Variants in KLHL20 observed in about 807,000 individuals in gnomAD.
The protein encoded by KLHL20 is kelch-like protein 20.
Under a neutral mutation model 69.5 loss-of-function variants are expected in KLHL20, and 29 were observed. The observed-to-expected ratio is 0.42, with a 90% CI of 0.31 to 0.57. The LOEUF (loss-of-function observed/expected upper bound fraction) is 0.57. Among genes scored for constraint, KLHL20 ranks in the 20% least tolerant of loss-of-function variants. The pLI is 0.18. For synonymous variants in KLHL20, 253 were observed against 265.2 expected, an observed-to-expected ratio of 0.95 and a Z score of 0.45; for missense variants, 419 against 776.0, an observed-to-expected ratio of 0.54 and a Z score of 5.47.
At chr1:173,737,804 T>A (rs1672603695) in intron 3 of KLHL20, among the ~76,000 whole-genome samples, 1 of 152,252 alleles carries the variant, frequency 6.6e-6, no homozygotes, top group Non-Finnish European at 1.5e-5. Flanking sequence ...CTCTTGGCTG[T>A]ATAGACATTT....
intron 7 of KLHL20, among the ~76,000 whole-genome samples, chr1:173,758,528 G>A (rs1159521861): frequency 6.6e-6 from 1 of 152,176 alleles, no homozygotes; most frequent in Admixed American, 6.5e-5. Flanking sequence ...CAGCACCCGG[G>A]AGAAACCCCA....
At chr1:173,728,122 A>C (rs185048068) in intron 2 of KLHL20, among the ~76,000 whole-genome samples, 1 of 152,322 alleles carries the variant, frequency 6.6e-6, no homozygotes, top group East Asian at 1.9e-4. Flanking sequence ...ACAGACTTTA[A>C]ACCAACAAAG....
In KLHL20 at chr1:173,763,866, TA is replaced by T. The variant is rs60028962; in HGVS notation, c.1152-2264del. The stretch of plus-strand genomic sequence containing the variant: ...ACCAAGAACCCAAAAGCAAATGCAA[TA>T]AAAAAAAAAAAAAAACAGCTGGGAC... On this transcript the variant is annotated intron_variant, in intron 7 of 11. Transcript: ENST00000209884. Among the ~76,000 whole-genome samples, 702 of 119,508 alleles carry T rather than the reference TA, an allele frequency of 5.9e-3. 1 individual carries two copies. The highest frequency in any genetic ancestry group is 0.017 in the East Asian group (68 of 4,092). The allele number at this position is 119,508 out of a possible 152,430, so 78.4% of individuals were successfully genotyped here.
chr1:173,781,158 T>A (rs373899944), intron 10 of KLHL20, among the ~76,000 whole-genome samples: 1 of 152,194 alleles, frequency 6.6e-6, no homozygotes, highest in African/African-American at 2.4e-5. Context: ...TAATCCAGTT[T>A]TACTGCAGCA....
At chr1:173,773,404 A>G (rs1558220848) in intron 8 of KLHL20, among the ~76,000 whole-genome samples, 1 of 151,068 alleles carries the variant, frequency 6.6e-6, no homozygotes, top group Admixed American at 6.6e-5. Flanking sequence ...TAACACAGCA[A>G]GACCCCTATT....
intron 8 of KLHL20, among the ~76,000 whole-genome samples, chr1:173,767,129 C>T (rs112620174): frequency 8.6e-4 from 131 of 152,266 alleles, no homozygotes; most frequent in African/African-American, 3.0e-3. Flanking sequence ...TTAGATTCCT[C>T]ATATAAGTGA....
At chr1:173,750,549 A>T (rs1024447291) in intron 3 of KLHL20, among the ~76,000 whole-genome samples, 1 of 149,724 alleles carries the variant, frequency 6.7e-6, no homozygotes, top group Non-Finnish European at 1.5e-5. Context: ...GAAATGGCGC[A>T]ATCTTGGCTT....
intron 5 of KLHL20, among the ~76,000 whole-genome samples, chr1:173,755,513 G>GTTTTTTATT (rs1179041224): frequency 6.6e-6 from 1 of 152,124 alleles, no homozygotes; most frequent in Non-Finnish European, 1.5e-5. Flanking sequence ...TTTTGACCCA[G>GTTTTTTATT]TTTTATTACT....
chr1:173,734,149 C>A lies in KLHL20; in HGVS notation c.460C>A (p.Gln154Lys). ...AACLLQLAEI[Q>K]EACCEFLKRQ... ...TTGCCTCCTCCAGCTGGCAGAAATA[C>A]AGGAAGCCTGCTGTGAATTCTTAAA... Residue 154 changes from glutamine (Q) to lysine (K), a missense_variant, in exon 3 of 12, where the codon CAG (glutamine) becomes AAG (lysine). This residue lies in a region of KLHL20 where 99 missense variants were observed against 240.7 expected (regional missense o/e 0.41). Coordinates refer to ENST00000209884, the MANE Select transcript of KLHL20 (RefSeq NM_014458.4). 7 of 1,614,220 alleles carry A rather than the reference C, an allele frequency of 4.3e-6. No individual in the cohort carries two copies. The highest frequency in any genetic ancestry group is 5.9e-6 in the Non-Finnish European group (7 of 1,180,034).
chr1:173,766,378 C>A, intron 8 of KLHL20, 89 bp downstream of exon 8: 1 of 1,227,676 alleles, frequency 8.1e-7, no homozygotes, highest in Non-Finnish European at 1.1e-6. Flanking sequence ...GGCGTGGTGG[C>A]TCACACCTGT....
Position 173,782,244 on chromosome 1 carries a change from T to C in KLHL20, c.1745+14T>C, listed in dbSNP as rs768667846. The C allele has an allele frequency of 1.3e-6, 2 of 1,585,444 alleles. No homozygotes were observed. The highest frequency in any genetic ancestry group is 2.2e-5 in the South Asian group (2 of 90,432). ...CAATACATGGAGGTAACTTTTAAGC[T>C]GTGTAGCAAATCACCTCACTACTGA... On this transcript the variant is annotated intron_variant, in intron 11 of 11. Coordinates refer to ENST00000209884, the MANE Select transcript of KLHL20 (RefSeq NM_014458.4).
At chr1:173,741,534 A>G in intron 3 of KLHL20, 1 of 394,864 alleles carries the variant, frequency 2.5e-6, no homozygotes, top group African/African-American at 2.1e-5. Context: ...TAAAATTGAT[A>G]GATTTGACTA....
intron 3 of KLHL20, among the ~76,000 whole-genome samples, chr1:173,742,812 A>G (rs1215920636): frequency 6.6e-6 from 1 of 151,590 alleles, no homozygotes; most frequent in East Asian, 1.9e-4. Context: ...TATTAATAGT[A>G]TTAGGCCCAT....
Position 173,733,807 on chromosome 1 carries a change from C to T in KLHL20, c.118C>T (p.Pro40Ser), listed in dbSNP as rs780079438. 1.2e-6 allele frequency: 2 copies of T among 1,614,162 alleles called. No individual in the cohort carries two copies. Among genetic ancestry groups the T allele is most frequent in the East Asian group, 4.5e-5 (2 of 44,880 alleles). Residue 40 changes from proline (P) to serine (S), a missense_variant, in exon 3 of 12, where the codon CCT (proline) becomes TCT (serine). Transcript: ENST00000209884. ...PNKLPEGVPQ[P>S]ARMPYISDKH... ...CAAACTGCCAGAAGGGGTTCCCCAA[C>T]CTGCCCGCATGCCCTATATCTCAGA...
chr1:173,762,127 A>G (rs1647344497), intron 7 of KLHL20, among the ~76,000 whole-genome samples: 1 of 152,192 alleles, frequency 6.6e-6, no homozygotes, highest in African/African-American at 2.4e-5. Flanking sequence ...CCTAGAAGAG[A>G]TGAATAAATT....
intron 10 of KLHL20, among the ~76,000 whole-genome samples, chr1:173,777,511 A>C (rs1340220326): frequency 6.6e-6 from 1 of 152,116 alleles, no homozygotes; most frequent in African/African-American, 2.4e-5. Context: ...AAAGGCTTTC[A>C]GTTTTTCCCC....
intron 3 of KLHL20, among the ~76,000 whole-genome samples, chr1:173,745,569 C>G (rs999281182): frequency 6.6e-6 from 1 of 152,142 alleles, no homozygotes; most frequent in African/African-American, 2.4e-5. Context: ...TATATGAAAG[C>G]TGCCTCACTG....
chr1:173,769,940 A>C (rs1355576398), intron 8 of KLHL20, among the ~76,000 whole-genome samples: 1 of 152,074 alleles, frequency 6.6e-6, no homozygotes, highest in East Asian at 1.9e-4. Context: ...AAGGCAAGGC[A>C]CTATGTTTTT....
intron 8 of KLHL20, among the ~76,000 whole-genome samples, chr1:173,772,419 A>G (rs942265940): frequency 6.6e-6 from 1 of 152,230 alleles, no homozygotes; most frequent in Non-Finnish European, 1.5e-5. Context: ...ACACTTAAAT[A>G]TATGAGTTCT....
Sources: allele counts gnomAD v4.1 joint callset (sites outside exome capture counted in the v4.1 genomes callset), GRCh38; gene constraint gnomAD v4.1.1; regional missense constraint gnomAD v4.1.1; transcripts MANE v1.5; gene names NCBI Gene and HGNC (gene_info 2026-07-23, HGNC 2026-07-21).